Variants in GRIK2 observed in about 807,000 individuals in gnomAD.
GRIK2 encodes glutamate receptor ionotropic, kainate 2.
A neutral mutation model predicts 100.3 loss-of-function variants in GRIK2; 32 were observed. The observed-to-expected ratio is 0.32, with a 90% CI of 0.24 to 0.43. GRIK2 has a LOEUF of 0.43. GRIK2 is among the 20% of genes least tolerant of loss of function. The probability of loss-of-function intolerance (pLI) is 1.00; values close to 1 mark genes in which losing one functional copy is unlikely to be tolerated. For missense variants in GRIK2, 843 were observed against 1,114.9 expected, an observed-to-expected ratio of 0.76 and a Z score of 3.47; for synonymous variants, 417 against 389.4, an observed-to-expected ratio of 1.07 and a Z score of -0.83.
At chr6:101,723,169 A>G (rs776088820) in intron 7 of GRIK2, among the ~76,000 whole-genome samples, 19 of 152,064 alleles carry the variant, frequency 1.2e-4, no homozygotes, top group Non-Finnish European at 2.8e-4. Flanking sequence ...AAAGGATAAC[A>G]AGTAATTTCT....
At chr6:101,939,735 C>A (rs2791805) in intron 14 of GRIK2, among the ~76,000 whole-genome samples, 4,975 of 152,172 alleles carry the variant, frequency 0.033, 281 homozygotes, top group African/African-American at 0.11. Context: ...AATTCACATT[C>A]TTCAAGAGTT....
intron 1 of GRIK2, among the ~76,000 whole-genome samples, chr6:101,398,211 C>T (rs1775093748): frequency 6.6e-6 from 1 of 152,128 alleles, no homozygotes. Context: ...GAAATTTGGG[C>T]ATAAATTATT....
chr6:102,021,808 G>A (rs1183437773), intron 14 of GRIK2, among the ~76,000 whole-genome samples: 1 of 151,372 alleles, frequency 6.6e-6, no homozygotes, highest in East Asian at 1.9e-4. Context: ...TTTCTTTAAA[G>A]TGTCCTTGAA....
intron 2 of GRIK2, among the ~76,000 whole-genome samples, chr6:101,444,502 T>C (rs1770255108): frequency 6.6e-6 from 1 of 152,126 alleles, no homozygotes; most frequent in African/African-American, 2.4e-5. Flanking sequence ...GGTTTTATAA[T>C]AGCCTTTGGT....
chr6:101,523,680 T>G (rs895303209), intron 2 of GRIK2, among the ~76,000 whole-genome samples: 3 of 151,642 alleles, frequency 2.0e-5, no homozygotes, highest in African/African-American at 7.3e-5. Flanking sequence ...CTAAGTTCTC[T>G]TTCCTTGACT....
chr6:101,736,199 G>A (rs1775621537), intron 7 of GRIK2, among the ~76,000 whole-genome samples: 1 of 152,214 alleles, frequency 6.6e-6, no homozygotes, highest in South Asian at 2.1e-4. Context: ...ATGGGCTGGT[G>A]TTGAATGTCT....
chr6:101,991,983 C>T (rs985777896), intron 14 of GRIK2, among the ~76,000 whole-genome samples: 14 of 151,484 alleles, frequency 9.2e-5, no homozygotes, highest in Admixed American at 5.9e-4. Context: ...TATAGCTTTA[C>T]GTTTCTGGTA....
At chr6:101,748,548 T>C (rs1776588822) in intron 7 of GRIK2, among the ~76,000 whole-genome samples, 1 of 152,042 alleles carries the variant, frequency 6.6e-6, no homozygotes, top group Admixed American at 6.6e-5. Flanking sequence ...AGTATTTAAT[T>C]CATTATTTAC....
intron 2 of GRIK2, among the ~76,000 whole-genome samples, chr6:101,516,090 A>C (rs1774569950): frequency 6.6e-6 from 1 of 152,010 alleles, no homozygotes; most frequent in Admixed American, 6.6e-5. Context: ...AGTTGAGATG[A>C]TATAAACAAA....
chr6:101,828,154 A>G, intron 10 of GRIK2, among the ~76,000 whole-genome samples: 1 of 152,060 alleles, frequency 6.6e-6, no homozygotes, highest in East Asian at 1.9e-4. Context: ...ATACATAGAA[A>G]CTAAACAACC....
At chr6:101,659,098 C>T (rs1033227653) in intron 4 of GRIK2, among the ~76,000 whole-genome samples, 1 of 151,752 alleles carries the variant, frequency 6.6e-6, no homozygotes, top group Non-Finnish European at 1.5e-5. Flanking sequence ...GAAGTCTTTG[C>T]TCTGAATCAT....
intron 4 of GRIK2, among the ~76,000 whole-genome samples, chr6:101,662,925 A>G (rs749367232): frequency 3.3e-5 from 5 of 152,152 alleles, no homozygotes; most frequent in Admixed American, 1.3e-4. Context: ...ATACATTTAC[A>G]TCTTTTAATC....
At chr6:102,028,907 G>A (rs902811905) in intron 14 of GRIK2, among the ~76,000 whole-genome samples, 1 of 150,650 alleles carries the variant, frequency 6.6e-6, no homozygotes, top group Non-Finnish European at 1.5e-5. Context: ...TCTTTTACTT[G>A]GCTACCCTCA....
rs960119119 is a variant in GRIK2 at position 101,626,714 on chromosome 6, G to A, written c.541+77G>A. The A allele has an allele frequency of 7.2e-6, 9 of 1,255,278 alleles. No homozygotes were observed. In the African/African-American group the frequency reaches 1.3e-4, roughly 19 times the overall value. 77.8% of individuals were successfully genotyped at this position (1,255,278 alleles called of 1,614,324 possible). The stretch of plus-strand genomic sequence containing the variant: ...CTGAAGCCCATTCCAGGTTCTTATT[G>A]TATTCTTATGTGCTTTATTTTGAGT... On this transcript the variant is annotated intron_variant, in intron 4 of 16. Coordinates refer to ENST00000369134, the MANE Select transcript of GRIK2 (RefSeq NM_021956.5).
At chr6:101,804,965 C>G (rs1020959715) in intron 9 of GRIK2, among the ~76,000 whole-genome samples, 1 of 151,910 alleles carries the variant, frequency 6.6e-6, no homozygotes, top group Non-Finnish European at 1.5e-5. Flanking sequence ...AGCTCAAGGT[C>G]TAGATTCAGA....
intron 2 of GRIK2, among the ~76,000 whole-genome samples, chr6:101,560,214 GTTCTAATA>G (rs1353228751): frequency 2.0e-5 from 3 of 152,014 alleles, no homozygotes; most frequent in Non-Finnish European, 4.4e-5. Flanking sequence ...GTGGTAGATT[GTTCTAATA>G]TTCTAAGTTT....
chr6:101,718,527 T>C (rs1178577431), intron 7 of GRIK2, among the ~76,000 whole-genome samples: 2 of 151,926 alleles, frequency 1.3e-5, no homozygotes, highest in African/African-American at 2.4e-5. Context: ...CAAGCTACAA[T>C]ATTCTTTTGA....
chr6:101,681,315 T>C (rs932660554), intron 5 of GRIK2, among the ~76,000 whole-genome samples: 1 of 152,100 alleles, frequency 6.6e-6, no homozygotes, highest in Non-Finnish European at 1.5e-5. Context: ...GCCTCGACTT[T>C]GGGAGCTCAC....
chr6:101,462,557 T>C (rs1290384332), intron 2 of GRIK2, among the ~76,000 whole-genome samples: 1 of 152,242 alleles, frequency 6.6e-6, no homozygotes, highest in East Asian at 1.9e-4. Flanking sequence ...AAATTATAGG[T>C]ACAAGGACAT....
Sources: gnomAD v4.1 joint callset for allele counts (sites outside exome capture counted in the v4.1 genomes callset) on GRCh38, gnomAD v4.1.1 for gene constraint, MANE v1.5 for transcripts, NCBI Gene and HGNC (gene_info 2026-07-23, HGNC 2026-07-21) for gene names.